The following RPAIN variants were observed in gnomAD, a reference collection of about 807,000 sequenced individuals.
RPAIN encodes the protein RPA-interacting protein.
Under a neutral mutation model 30.5 loss-of-function variants are expected in RPAIN, and 29 were observed. The ratio of observed to expected loss-of-function variants is 0.95; its 90% CI spans 0.71 to 1.30. RPAIN has a LOEUF of 1.30. RPAIN is among the 50% of genes most tolerant of loss of function. RPAIN has a pLI of 0.00. For missense variants in RPAIN, 247 were observed against 264.7 expected (o/e 0.93, Z 0.46); for synonymous variants, 101 against 93.5 (o/e 1.08, Z -0.46).
At chr17:5,422,217 C>T (rs548930445) in intron 2 of RPAIN, among the ~76,000 whole-genome samples, 3 of 152,222 alleles carry the variant, frequency 2.0e-5, no homozygotes, top group Non-Finnish European at 4.4e-5. Context: ...CTTCAGTTTG[C>T]CTCTTTGAGG....
Position 5,424,827 on chromosome 17 carries a change from AT to A in RPAIN, c.314-1143del, listed in dbSNP as rs1915223627. 3.3e-5 allele frequency among the ~76,000 whole-genome samples: 5 copies of A among 152,298 alleles called. No homozygotes were observed. The South Asian group carries it at 1.0e-3, about 32-fold the overall frequency. On this transcript the variant is annotated intron_variant, in intron 3 of 6. Coordinates refer to ENST00000381209, the MANE Select transcript of RPAIN (RefSeq NM_001033002.4). ...GGTTAGACTGTAAATTCCTTAAGTTATCATCTTTTTTTATTGATTTTCCCTT... is the reference window on the plus strand; with the variant it reads ...GGTTAGACTGTAAATTCCTTAAGTTACATCTTTTTTTATTGATTTTCCCTT...
Position 5,421,437 on chromosome 17 carries a change from G to A in RPAIN, c.223G>A (p.Val75Met). The A allele has an allele frequency of 6.2e-7, 1 of 1,614,144 alleles. No individual in the cohort carries two copies. Among genetic ancestry groups the A allele is most frequent in the Non-Finnish European group, 8.5e-7 (1 of 1,180,022 alleles). The part of the protein sequence containing the change: ...MEEEWNALQS[V>M]ENCPEDLAQL... ...AGAAGAGTGGAATGCTTTGCAGTCA[G>A]TGGAGAATTGTCCAGAAGACTTGGC... is the stretch of plus-strand genomic sequence containing the variant. The change falls in exon 2 of 7, where the codon GTG (valine) becomes ATG (methionine). Residue 75 changes from valine to methionine, a missense_variant. Physicochemically the swap from Val to Met is conservative, Grantham distance 21. Transcript: ENST00000381209.
intron 2 of RPAIN, 28 bp from the exon 3 acceptor site, chr17:5,422,741 C>G: frequency 6.2e-7 from 1 of 1,609,610 alleles, no homozygotes; most frequent in Non-Finnish European, 8.5e-7. Flanking sequence ...ATACTTCAAA[C>G]TTCTGATGCC....
chr17:5,424,839 T>A (rs1273089977), intron 3 of RPAIN, among the ~76,000 whole-genome samples: 1 of 152,238 alleles, frequency 6.6e-6, no homozygotes, highest in Non-Finnish European at 1.5e-5. Flanking sequence ...CATCTTTTTT[T>A]ATTGATTTTC....
intron 6 of RPAIN, chr17:5,431,452 G>A (rs752453005): frequency 6.2e-5 from 28 of 449,108 alleles, no homozygotes; most frequent in African/African-American, 4.4e-4. Flanking sequence ...GCGCCATTGC[G>A]CTCCAGGCTG....
intron 6 of RPAIN, chr17:5,431,124 A>G: frequency 3.2e-6 from 1 of 309,834 alleles, no homozygotes; most frequent in Non-Finnish European, 6.2e-6. Context: ...CATAGTTGAC[A>G]GTGCCGGCTC....
chr17:5,429,658 T>C, intron 6 of RPAIN: 1 of 985,456 alleles, frequency 1.0e-6, no homozygotes, highest in Non-Finnish European at 1.2e-6. Flanking sequence ...CTACTTCCTG[T>C]TGACTACAAG....
intron 3 of RPAIN, chr17:5,425,097 G>A: frequency 3.3e-6 from 1 of 300,998 alleles, no homozygotes; most frequent in Non-Finnish European, 6.4e-6. Context: ...AGTTCTAGTG[G>A]AAAAGCAGTT....
rs749349893 is a variant in RPAIN at position 5,422,822 on chromosome 17, C to T, written c.306C>T (p.Ile102=). 1 of 1,609,888 alleles carries T rather than the reference C, an allele frequency of 6.2e-7. No individual in the cohort carries two copies. Among genetic ancestry groups the T allele is most frequent in the Non-Finnish European group, 8.5e-7 (1 of 1,176,740 alleles). The part of the protein sequence containing the change: ...AVLEEIQQEL[I]NQEQSIISEY... ...TGGAGGAAATTCAACAGGAGCTGAT[C>T]AACCAAGGTAACCCCTAGTGGTAGT... Residue 102 remains isoleucine (I), a synonymous_variant, in exon 3 of 7, where the codon ATC becomes ATT. Coordinates refer to ENST00000381209, the MANE Select transcript of RPAIN (RefSeq NM_001033002.4).
chr17:5,422,325 T>G (rs540341068), intron 2 of RPAIN, among the ~76,000 whole-genome samples: 57 of 152,236 alleles, frequency 3.7e-4, no homozygotes, highest in Non-Finnish European at 7.6e-4. Context: ...ATCAACACCC[T>G]GTGTAATAAT....
intron 5 of RPAIN, chr17:5,426,620 C>A (rs1915417907): frequency 4.4e-6 from 1 of 226,488 alleles, no homozygotes. Flanking sequence ...ATACCTAATT[C>A]AGAATTTAAG....
intron 6 of RPAIN, chr17:5,431,455 C>T (rs1255677191): frequency 9.3e-6 from 4 of 431,770 alleles, no homozygotes; most frequent in African/African-American, 2.3e-5. Flanking sequence ...CCATTGCGCT[C>T]CAGGCTGGGT....
chr17:5,432,671 T>C lies in RPAIN; in HGVS notation c.*100T>C, dbSNP rs568901162. The C allele has an allele frequency of 1.9e-5, 23 of 1,209,040 alleles. No homozygotes were observed. In the East Asian group the frequency reaches 2.8e-4, roughly 15 times the overall value. 74.9% of individuals were successfully genotyped at this position (1,209,040 alleles called of 1,614,324 possible). A position where few individuals can be genotyped will look rare whatever the true frequency, so the allele number is the denominator to read the frequency against. ...CCTTTTATTTATAACTTATTTTGTA[T>C]TGAAACTTTTAAACAATACTGAAGA... On this transcript the variant is annotated 3_prime_UTR_variant, in exon 7 of 7. Transcript: ENST00000381209.
At chr17:5,421,167 C>A in intron 1 of RPAIN, 129 bp from the exon 2 acceptor site, 1 of 823,164 alleles carries the variant, frequency 1.2e-6, no homozygotes, top group Non-Finnish European at 1.9e-6. Flanking sequence ...AAAAGTAACA[C>A]TAGTTAGTAT....
intron 5 of RPAIN, chr17:5,427,765 C>A (rs1420538016): frequency 2.0e-5 from 8 of 393,932 alleles, no homozygotes; most frequent in Non-Finnish European, 3.8e-5. Context: ...ATGCACTCAG[C>A]TGGTGGGGGC....
At chr17:5,420,332 C>T in intron 1 of RPAIN, 41 bp downstream of exon 1, 2 of 1,540,752 alleles carry the variant, frequency 1.3e-6, no homozygotes, top group Non-Finnish European at 1.8e-6. Context: ...CTAGATCGTC[C>T]CGGTGACCGC....
At chr17:5,426,113 T>C in intron 4 of RPAIN, 31 bp downstream of exon 4, 1 of 1,574,822 alleles carries the variant, frequency 6.3e-7, no homozygotes, top group Non-Finnish European at 8.7e-7. Flanking sequence ...TTCAGCATTA[T>C]TCGTTCCCAT....
chr17:5,422,425 G>A (rs892311149), intron 2 of RPAIN, among the ~76,000 whole-genome samples: 2 of 152,178 alleles, frequency 1.3e-5, no homozygotes, highest in Non-Finnish European at 2.9e-5. Context: ...AACCCTCTTA[G>A]ATAGATTTTA....
intron 6 of RPAIN, chr17:5,429,519 C>G: frequency 1.0e-6 from 1 of 984,992 alleles, no homozygotes; most frequent in Non-Finnish European, 1.2e-6. Flanking sequence ...TGTTAGACCC[C>G]AGGTCTTTGT....
Sources: allele counts gnomAD v4.1 joint callset (sites outside exome capture counted in the v4.1 genomes callset), GRCh38; gene constraint gnomAD v4.1.1; transcripts MANE v1.5; gene names NCBI Gene and HGNC (gene_info 2026-07-23, HGNC 2026-07-21).